Variants in PITPNB observed in about 807,000 individuals in gnomAD.
PITPNB encodes the protein phosphatidylinositol transfer protein beta isoform.
In PITPNB, 16 loss-of-function variants were observed where a neutral mutation model predicts 45.9. That is an observed-to-expected ratio of 0.35 (90% CI 0.24 to 0.53). The LOEUF (loss-of-function observed/expected upper bound fraction) is 0.53, where lower values mean the gene tolerates loss of function less well. Ranked by LOEUF, PITPNB falls within the 20% of genes least tolerant of loss-of-function variation. The pLI, the probability that PITPNB is intolerant of heterozygous loss-of-function variation, is 0.93. For missense variants in PITPNB, 188 were observed against 330.5 expected (o/e 0.57, Z 3.34); for synonymous variants, 112 against 108.9 (o/e 1.03, Z -0.18).
intron 2 of PITPNB, among the ~76,000 whole-genome samples, chr22:27,912,417 T>C (rs1304204855): frequency 6.6e-6 from 1 of 152,198 alleles, no homozygotes; most frequent in Non-Finnish European, 1.5e-5. Flanking sequence ...AGGGTTAGTC[T>C]AATAATGCCA....
At chr22:27,853,690 A>C in intron 11 of PITPNB, 27 bp from the exon 12 acceptor site, 2 of 1,486,076 alleles carry the variant, frequency 1.3e-6, no homozygotes, top group Non-Finnish European at 9.2e-7. Context: ...AGACAGTGCA[A>C]AATGTGTTAA....
chr22:27,913,695 C>T (rs1038437880), intron 2 of PITPNB, among the ~76,000 whole-genome samples: 1 of 152,144 alleles, frequency 6.6e-6, no homozygotes, highest in South Asian at 2.1e-4. Context: ...GTAACAGGAC[C>T]AGCTGGTAGC....
intron 2 of PITPNB, among the ~76,000 whole-genome samples, chr22:27,913,207 T>G (rs1401920585): frequency 6.6e-6 from 1 of 152,186 alleles, no homozygotes; most frequent in Non-Finnish European, 1.5e-5. Context: ...TGGAGTGTTT[T>G]AATACAGTGA....
chr22:27,886,320 C>T (rs1050422586), intron 7 of PITPNB, among the ~76,000 whole-genome samples: 5 of 152,004 alleles, frequency 3.3e-5, no homozygotes, highest in Non-Finnish European at 7.4e-5. Flanking sequence ...AAGCAATAGT[C>T]ATATACAGAC....
chr22:27,854,989 GGTTA>G, intron 10 of PITPNB, 50 bp from the exon 11 acceptor site: 4 of 1,290,520 alleles, frequency 3.1e-6, no homozygotes, highest in Non-Finnish European at 3.4e-6. Flanking sequence ...TCTAAATAGG[GGTTA>G]GTAAGCAAGG....
intron 8 of PITPNB, among the ~76,000 whole-genome samples, chr22:27,872,748 G>A (rs996091153): frequency 2.0e-5 from 3 of 152,094 alleles, no homozygotes; most frequent in African/African-American, 7.2e-5. Flanking sequence ...TACCAAGTAA[G>A]ACCCTGGGAG....
chr22:27,854,367 G>GT lies in PITPNB; in HGVS notation c.*38+486dup, dbSNP rs1569001304. ...GCATTTACGCAGAGTAAAGCTAACTGTAACAACTGAAGACGAAATATCAAG... is the reference window on the plus strand; with the variant it reads ...GCATTTACGCAGAGTAAAGCTAACTGTTAACAACTGAAGACGAAATATCAAG... On this transcript the variant is annotated intron_variant, in intron 11 of 11. Coordinates refer to ENST00000335272, the MANE Select transcript of PITPNB (RefSeq NM_012399.5). 3.9e-5 allele frequency among the ~76,000 whole-genome samples: 6 copies of GT among 152,260 alleles called. No individual in the cohort carries two copies. In the South Asian group the frequency reaches 1.2e-3, roughly 32 times the overall value.
chr22:27,877,975 G>A (rs1243505301), intron 7 of PITPNB, among the ~76,000 whole-genome samples: 1 of 152,130 alleles, frequency 6.6e-6, no homozygotes, highest in African/African-American at 2.4e-5. Flanking sequence ...GTGGAGAGGG[G>A]GTGTTTTACT....
chr22:27,909,207 C>CTTTTTTTTTTTTTTTTTTT (rs34224616), intron 3 of PITPNB, among the ~76,000 whole-genome samples: 7 of 82,248 alleles, frequency 8.5e-5, no homozygotes, highest in Non-Finnish European at 1.1e-4. Flanking sequence ...ACTGGTAGTA[C>CTTTTTTTTTTTTTTTTTTT]TTTTTTTTTT....
chr22:27,883,226 T>A (rs773728212), intron 7 of PITPNB, among the ~76,000 whole-genome samples: 12 of 152,194 alleles, frequency 7.9e-5, no homozygotes, highest in Non-Finnish European at 1.5e-4. Context: ...GGAAGAAACA[T>A]CATACAGCAA....
At chr22:27,874,988 A>AAAC (rs535157632) in intron 7 of PITPNB, among the ~76,000 whole-genome samples, 22 of 152,296 alleles carry the variant, frequency 1.4e-4, no homozygotes, top group South Asian at 4.1e-4. Context: ...TCCACAAATC[A>AAAC]AACAACAACA....
At chr22:27,877,790 G>T (rs1934862043) in intron 7 of PITPNB, among the ~76,000 whole-genome samples, 1 of 152,144 alleles carries the variant, frequency 6.6e-6, no homozygotes. Flanking sequence ...GGAGTTTCTT[G>T]ACAGCTTGTG....
intron 7 of PITPNB, among the ~76,000 whole-genome samples, chr22:27,878,606 G>GAATA (rs1316883786): frequency 3.3e-5 from 5 of 152,164 alleles, no homozygotes; most frequent in Admixed American, 1.3e-4. Flanking sequence ...TACTACCTTG[G>GAATA]AATACATAAT....
intron 10 of PITPNB, among the ~76,000 whole-genome samples, chr22:27,857,720 G>C (rs1331105506): frequency 6.6e-6 from 1 of 152,172 alleles, no homozygotes; most frequent in Non-Finnish European, 1.5e-5. Context: ...CCAGACACAT[G>C]CAAGAGGAAG....
In PITPNB at chr22:27,860,214, GAC is replaced by G; in HGVS notation, c.560_561del (p.Cys187SerfsTer7). 1 of 1,613,232 alleles carries G rather than the reference GAC, an allele frequency of 6.2e-7. No homozygotes were observed. The highest frequency in any genetic ancestry group is 8.5e-7 in the Non-Finnish European group (1 of 1,179,292). On this transcript the variant is annotated frameshift_variant, in exon 9 of 12. Coordinates refer to ENST00000335272, the MANE Select transcript of PITPNB (RefSeq NM_012399.5). LOFTEE classifies it high-confidence loss of function. ...ACCAGCTTATAGGCACACATCTGGG[GAC>G]AGTCAGGGCTGTTTGCCAGCTCCTT... The part of the protein sequence containing the change: ...WKKELANSPD[C>X]PQMCAYKLVT...
chr22:27,914,863 G>A (rs1024981158), intron 1 of PITPNB, among the ~76,000 whole-genome samples: 3 of 152,084 alleles, frequency 2.0e-5, no homozygotes, highest in Admixed American at 1.3e-4. Flanking sequence ...ATAAGGAGTC[G>A]TGTAGAATTA....
intron 7 of PITPNB, among the ~76,000 whole-genome samples, chr22:27,880,739 CAGCTTCCCGAGT>C (rs1338719561): frequency 6.6e-6 from 1 of 152,082 alleles, no homozygotes; most frequent in Non-Finnish European, 1.5e-5. Flanking sequence ...TCTTCTGCCT[CAGCTTCCCGAGT>C]AGCTGGGATT....
intron 2 of PITPNB, among the ~76,000 whole-genome samples, chr22:27,912,546 T>C (rs1935956417): frequency 6.6e-6 from 1 of 151,978 alleles, no homozygotes; most frequent in South Asian, 2.1e-4. Flanking sequence ...AATAACAATA[T>C]TCAAATGAAC....
chr22:27,916,995 C>T (rs1340256830), intron 1 of PITPNB, among the ~76,000 whole-genome samples: 4 of 152,032 alleles, frequency 2.6e-5, no homozygotes, highest in Non-Finnish European at 4.4e-5. Context: ...CATGTTAGGC[C>T]TAGATGCTGT....
Sources: allele counts gnomAD v4.1 joint callset (sites outside exome capture counted in the v4.1 genomes callset), GRCh38; gene constraint gnomAD v4.1.1; transcripts MANE v1.5; gene names NCBI Gene and HGNC (gene_info 2026-07-23, HGNC 2026-07-21).